PCDHA9: variants seen among roughly 807,000 people sequenced by gnomAD.
PCDHA9 encodes protocadherin alpha-9.
Under a neutral mutation model 62.0 loss-of-function variants are expected in PCDHA9, and 62 were observed. That is an observed-to-expected ratio of 1.00 (90% CI 0.81 to 1.23). The LOEUF is 1.23. PCDHA9 is among the 50% of genes most tolerant of loss of function. PCDHA9 has a pLI of 0.00. For missense variants in PCDHA9, 1,205 were observed against 1,249.8 expected (o/e 0.96, Z 0.54); for synonymous variants, 557 against 567.6 (o/e 0.98, Z 0.27).
rs748166275 is a variant in PCDHA9 at position 140,954,138 on chromosome 5, T to C, written c.2395-24811T>C. Among the ~76,000 whole-genome samples the C allele has an allele frequency of 5.9e-4, 90 of 152,260 alleles. 1 individual carries two copies. The highest frequency in any genetic ancestry group is 6.5e-4 in the Admixed American group (10 of 15,282). On this transcript the variant is annotated intron_variant, in intron 1 of 3. Coordinates refer to ENST00000532602, the MANE Select transcript of PCDHA9 (RefSeq NM_031857.2). The stretch of plus-strand genomic sequence containing the variant: ...CTTGTTCCTTTTTATGGATGCATAG[T>C]ATTCCATGGTGTATATGTACCACAT...
chr5:140,877,155 C>A, intron 1 of PCDHA9: 1 of 1,613,798 alleles, frequency 6.2e-7, no homozygotes, highest in Non-Finnish European at 8.5e-7. Context: ...AGAACGACAA[C>A]GCGCCGGCAC....
At chr5:140,976,286 C>G (rs1554237455) in intron 1 of PCDHA9, among the ~76,000 whole-genome samples, 2 of 152,098 alleles carry the variant, frequency 1.3e-5, no homozygotes, top group African/African-American at 2.4e-5. Flanking sequence ...CACAGTGGCT[C>G]AAGCCTGTAA....
chr5:140,976,952 C>T lies in PCDHA9; in HGVS notation c.2395-1997C>T, dbSNP rs183824. 1.8e-3 allele frequency among the ~76,000 whole-genome samples: 271 copies of T among 152,298 alleles called. 1 individual carries two copies. Among genetic ancestry groups the T allele is most frequent in the African/African-American group, 6.2e-3 (258 of 41,574 alleles). The stretch of plus-strand genomic sequence containing the variant: ...GTAGCTACTTAAAACATATTATATG[C>T]TTTCTTCCTTTCCTTTTCCCTGCCT... On this transcript the variant is annotated intron_variant, in intron 1 of 3. Coordinates refer to ENST00000532602, the MANE Select transcript of PCDHA9 (RefSeq NM_031857.2).
intron 1 of PCDHA9, chr5:140,966,480 TC>T: frequency 2.3e-6 from 1 of 431,902 alleles, no homozygotes; most frequent in Admixed American, 4.4e-5. Flanking sequence ...TGTTTCCTTT[TC>T]CCTCCCCCTG....
rs552517946 is a variant in PCDHA9 at position 140,913,359 on chromosome 5, A to G, written c.2394+62470A>G. Reference sequence around the variant, plus strand: ...TTTATCCATTTCCTCTAGATTTTTAAATTTATTGGCATATAGTGGCTCATC... The same window carrying G: ...TTTATCCATTTCCTCTAGATTTTTAGATTTATTGGCATATAGTGGCTCATC... On this transcript the variant is annotated intron_variant, in intron 1 of 3. Coordinates refer to ENST00000532602, the MANE Select transcript of PCDHA9 (RefSeq NM_031857.2). Among the ~76,000 whole-genome samples, 4 of 152,082 alleles carry G rather than the reference A, an allele frequency of 2.6e-5. No homozygotes were observed. In the East Asian group the frequency reaches 7.7e-4, roughly 29 times the overall value.
At chr5:141,007,426 G>A (rs1255100179) in intron 3 of PCDHA9, among the ~76,000 whole-genome samples, 4 of 151,118 alleles carry the variant, frequency 2.6e-5, no homozygotes, top group Non-Finnish European at 5.9e-5. Flanking sequence ...AAATTAGCCA[G>A]GCATGGTGGC....
Position 140,850,221 on chromosome 5 carries a change from G to T in PCDHA9, c.1726G>T (p.Ala576Ser), listed in dbSNP as rs2041438830. 1 of 1,593,734 alleles carries T rather than the reference G, an allele frequency of 6.3e-7. No homozygotes were observed. Among genetic ancestry groups the T allele is most frequent in the Non-Finnish European group, 8.6e-7 (1 of 1,167,664 alleles). The change falls in exon 1 of 4, where the codon GCA becomes TCA. Residue 576 changes from alanine to serine, a missense_variant. Ala to Ser is a moderately conservative substitution (Grantham distance 99). Coordinates refer to ENST00000532602, the MANE Select transcript of PCDHA9 (RefSeq NM_031857.2). ...ACCTCGGATGAGGGGCACTGACGGC[G>T]CAGTGAGCGAGATGGTGCTGCGGTC... Reference protein sequence around the residue: ...LTPRMRGTDGAVSEMVLRSVG... With the variant: ...LTPRMRGTDGSVSEMVLRSVG...
chr5:140,996,232 T>C (rs1054290986), intron 3 of PCDHA9, among the ~76,000 whole-genome samples: 13 of 152,302 alleles, frequency 8.5e-5, no homozygotes, highest in South Asian at 4.1e-4. Flanking sequence ...AAATGGTTGC[T>C]CAAGGCTGAG....
chr5:141,000,417 A>ATTTT (rs1563652061), intron 3 of PCDHA9, among the ~76,000 whole-genome samples: 4 of 77,746 alleles, frequency 5.1e-5, no homozygotes, highest in African/African-American at 1.1e-4. Flanking sequence ...ATATATATAT[A>ATTTT]TATATTTTTT....
intron 1 of PCDHA9, among the ~76,000 whole-genome samples, chr5:140,898,901 T>C (rs1196685970): frequency 7.9e-5 from 12 of 152,172 alleles, no homozygotes; most frequent in Admixed American, 7.9e-4. Context: ...GAAGAGGTCC[T>C]TCACGTCCCT....
rs1554148728 is a variant in PCDHA9, at chr5:140,856,447, C to T, written c.2394+5558C>T. On this transcript the variant is annotated intron_variant, in intron 1 of 3. Transcript: ENST00000532602. ...TTAACGACAACCCGCCCAGGTTCTC[C>T]GTAACAGAACAAAAGCTCTCAATAC... 8 of 1,598,330 alleles carry T rather than the reference C, an allele frequency of 5.0e-6. 1 individual carries two copies. The highest frequency in any genetic ancestry group is 6.8e-6 in the Non-Finnish European group (8 of 1,167,884).
chr5:140,901,767 T>C (rs1341707404), intron 1 of PCDHA9, among the ~76,000 whole-genome samples: 5 of 152,252 alleles, frequency 3.3e-5, no homozygotes, highest in African/African-American at 1.2e-4. Flanking sequence ...AGGGATTGCA[T>C]TGAATTTGTA....
intron 3 of PCDHA9, among the ~76,000 whole-genome samples, chr5:141,007,668 G>C (rs556655396): frequency 6.6e-6 from 1 of 152,262 alleles, no homozygotes; most frequent in East Asian, 1.9e-4. Context: ...AATTTACAAA[G>C]ACAAAAGTTA....
chr5:140,922,275 C>T (rs782815629), intron 1 of PCDHA9, among the ~76,000 whole-genome samples: 1 of 152,052 alleles, frequency 6.6e-6, no homozygotes, highest in Non-Finnish European at 1.5e-5. Context: ...AAGATTGGAC[C>T]AAGATATGAA....
intron 1 of PCDHA9, chr5:140,862,315 C>G (rs1554156143): frequency 3.2e-6 from 1 of 317,246 alleles, no homozygotes; most frequent in African/African-American, 2.2e-5. Context: ...CCGTCATAGC[C>G]CTAATCAGTG....
intron 1 of PCDHA9, among the ~76,000 whole-genome samples, chr5:140,935,971 C>A (rs1563151362): frequency 6.7e-6 from 1 of 149,774 alleles, no homozygotes; most frequent in African/African-American, 2.5e-5. Context: ...TGGCTCACTG[C>A]AATCTCTGCC....
chr5:140,965,796 A>AT (rs1377584212), intron 1 of PCDHA9, among the ~76,000 whole-genome samples: 2 of 152,134 alleles, frequency 1.3e-5, no homozygotes, highest in Non-Finnish European at 2.9e-5. Flanking sequence ...CATGGAGACT[A>AT]TTTTTTTAAA....
chr5:141,000,421 A>ATAT (rs1265241806), intron 3 of PCDHA9, among the ~76,000 whole-genome samples: 11 of 27,980 alleles, frequency 3.9e-4, no homozygotes, highest in South Asian at 1.9e-3. Flanking sequence ...ATATATATAT[A>ATAT]TTTTTTTTTT....
At chr5:140,852,956 C>G (rs2042556592) in intron 1 of PCDHA9, 1 of 438,466 alleles carries the variant, frequency 2.3e-6, no homozygotes, top group Non-Finnish European at 3.1e-6. Flanking sequence ...TTGGCTCACT[C>G]CAAGCTCCCC....
Sources: allele counts gnomAD v4.1 joint callset (sites outside exome capture counted in the v4.1 genomes callset), GRCh38; gene constraint gnomAD v4.1.1; transcripts MANE v1.5; gene names NCBI Gene and HGNC (gene_info 2026-07-23, HGNC 2026-07-21).